The following TMEM71 variants were observed in gnomAD, a reference collection of about 807,000 sequenced individuals.
TMEM71 encodes transmembrane protein 71.
In TMEM71, 44 loss-of-function variants were observed where a neutral mutation model predicts 38.0. The observed-to-expected ratio is 1.16, with a 90% CI of 0.91 to 1.49. TMEM71 has a LOEUF of 1.49. TMEM71 is among the 40% of genes most tolerant of loss of function. The probability of loss-of-function intolerance (pLI) is 0.00; values close to 1 mark genes in which losing one functional copy is unlikely to be tolerated. For missense variants in TMEM71, 367 were observed against 348.6 expected (o/e 1.05, Z -0.42); for synonymous variants, 133 against 122.5 (o/e 1.09, Z -0.56).
intron 7 of TMEM71, 104 bp downstream of exon 7, chr8:132,721,936 A>C: frequency 2.0e-6 from 2 of 978,760 alleles, no homozygotes; most frequent in Non-Finnish European, 3.3e-6. Flanking sequence ...TCTCAACCAC[A>C]GAGCTACCTA....
intron 6 of TMEM71, among the ~76,000 whole-genome samples, chr8:132,724,851 A>T (rs1827049618): frequency 6.6e-6 from 1 of 152,080 alleles, no homozygotes; most frequent in Non-Finnish European, 1.5e-5. Context: ...ACACATACTT[A>T]TCAACAAAGT....
chr8:132,732,708 C>T (rs1827526072), intron 5 of TMEM71, among the ~76,000 whole-genome samples: 1 of 152,146 alleles, frequency 6.6e-6, no homozygotes. Flanking sequence ...CATTGGGGTC[C>T]TCATACAACA....
At chr8:132,743,426 A>G (rs777398954) in intron 5 of TMEM71, among the ~76,000 whole-genome samples, 1 of 152,120 alleles carries the variant, frequency 6.6e-6, no homozygotes, top group Non-Finnish European at 1.5e-5. Context: ...CCTTTCTAGC[A>G]TGATTTGCCA....
chr8:132,764,919 A>G (rs1485691868), upstream of TMEM71, among the ~76,000 whole-genome samples: 2 of 152,304 alleles, frequency 1.3e-5, no homozygotes, highest in Non-Finnish European at 2.9e-5. Context: ...TGTGAATAAG[A>G]TTTTTTATCA....
At chr8:132,743,747 C>T (rs371756488) in intron 5 of TMEM71, among the ~76,000 whole-genome samples, 14 of 152,234 alleles carry the variant, frequency 9.2e-5, no homozygotes, top group Middle Eastern at 3.4e-3. Context: ...ATTGCAAATA[C>T]CAACACCATC....
At chr8:132,765,296 G>T (rs991969020), upstream of TMEM71, among the ~76,000 whole-genome samples, 3 of 152,162 alleles carry the variant, frequency 2.0e-5, no homozygotes, top group Admixed American at 2.0e-4. Flanking sequence ...TAGACTTTGC[G>T]GCAAGCTCAT....
chr8:132,713,955 C>A (rs746783659), intron 9 of TMEM71, 40 bp downstream of exon 9: 11 of 1,597,788 alleles, frequency 6.9e-6, no homozygotes, highest in Non-Finnish European at 9.4e-6. Context: ...ATTATGATCA[C>A]CTTGGTCCAG....
At chr8:132,775,443 G>T in the TMEM71 span, 1 of 385,708 alleles carries the variant, frequency 2.6e-6, no homozygotes, top group Non-Finnish European at 4.6e-6. Context: ...CGGACCCTGA[G>T]CGAGCTTGAG....
At chr8:132,757,205 AT>A in intron 3 of TMEM71, 28 bp downstream of exon 3, 1 of 1,573,012 alleles carries the variant, frequency 6.4e-7, no homozygotes, top group Non-Finnish European at 8.7e-7. Flanking sequence ...CAGAATGATT[AT>A]TTTTTTAAAA....
chr8:132,767,252 G>A, the TMEM71 span, among the ~76,000 whole-genome samples: 3 of 152,118 alleles, frequency 2.0e-5, no homozygotes, highest in South Asian at 2.1e-4. Flanking sequence ...TTTCTTGGGG[G>A]CAGAGCAACC....
chr8:132,722,208 C>T, intron 6 of TMEM71, 93 bp from the exon 7 acceptor site: 6 of 634,048 alleles, frequency 9.5e-6, no homozygotes, highest in South Asian at 9.0e-5. Context: ...CTTGTACCCA[C>T]CAAAAAAAAA....
the TMEM71 span, among the ~76,000 whole-genome samples, chr8:132,773,918 ATATT>A: frequency 6.6e-6 from 1 of 152,278 alleles, no homozygotes; most frequent in African/African-American, 2.4e-5. Flanking sequence ...AAAATAATAA[ATATT>A]TATTTTTTTC....
At chr8:132,743,499 C>G (rs1052371117) in intron 5 of TMEM71, among the ~76,000 whole-genome samples, 1 of 152,318 alleles carries the variant, frequency 6.6e-6, no homozygotes. Context: ...ACAGCACTCT[C>G]TTGTTTTTCC....
chr8:132,742,044 G>A (rs191346966), intron 5 of TMEM71, among the ~76,000 whole-genome samples: 19 of 152,314 alleles, frequency 1.2e-4, no homozygotes, highest in African/African-American at 3.4e-4. Flanking sequence ...CAGAAGGCTC[G>A]CACTCTTGTC....
At chr8:132,747,846 A>G (rs1406679486) in intron 4 of TMEM71, among the ~76,000 whole-genome samples, 1 of 152,230 alleles carries the variant, frequency 6.6e-6, no homozygotes, top group Admixed American at 6.5e-5. Context: ...CTTATATGCT[A>G]CAAGGGAGTT....
intron 5 of TMEM71, among the ~76,000 whole-genome samples, chr8:132,746,465 A>ATATACATATACATATATATATACG (rs1828381272): frequency 5.9e-5 from 1 of 16,894 alleles, no homozygotes; most frequent in Non-Finnish European, 1.2e-4. Flanking sequence ...ATATATATAC[A>ATATACATATACATATATATATACG]TATATATATA....
At chr8:132,752,869 A>T (rs1171584252) in intron 3 of TMEM71, among the ~76,000 whole-genome samples, 3 of 150,376 alleles carry the variant, frequency 2.0e-5, no homozygotes, top group Admixed American at 1.3e-4. Context: ...GGAAGGAAGG[A>T]AGGAAGGAAG....
chr8:132,755,263 A>C (rs974753021), intron 3 of TMEM71, among the ~76,000 whole-genome samples: 4 of 152,188 alleles, frequency 2.6e-5, no homozygotes, highest in Non-Finnish European at 5.9e-5. Context: ...ATTGTAAACG[A>C]AATGAAGACA....
At chr8:132,746,735 A>G (rs192215746) in intron 5 of TMEM71, among the ~76,000 whole-genome samples, 4 of 152,100 alleles carry the variant, frequency 2.6e-5, no homozygotes, top group Non-Finnish European at 5.9e-5. Context: ...ACACATTTAC[A>G]TTAGGCTATT....
Sources: gnomAD v4.1 joint callset for allele counts (sites outside exome capture counted in the v4.1 genomes callset) on GRCh38, gnomAD v4.1.1 for gene constraint, MANE v1.5 for transcripts, NCBI Gene and HGNC (gene_info 2026-07-23, HGNC 2026-07-21) for gene names.